Variants in LHCGR observed in about 807,000 individuals in gnomAD.
LHCGR encodes lutropin-choriogonadotropic hormone receptor.
In LHCGR, 55 loss-of-function variants were observed where a neutral mutation model predicts 60.7. That is an observed-to-expected ratio of 0.91 (90% CI 0.73 to 1.13). LHCGR has a LOEUF of 1.13. Among genes scored for constraint, LHCGR ranks in the 50% most tolerant of loss-of-function variants. LHCGR has a pLI of 0.00. For synonymous variants in LHCGR, 337 were observed against 316.5 expected, an observed-to-expected ratio of 1.06 and a Z score of -0.69; for missense variants, 862 against 836.0, an observed-to-expected ratio of 1.03 and a Z score of -0.38.
intron 9 of LHCGR, among the ~76,000 whole-genome samples, chr2:48,694,792 A>ATTTTTT (rs1157312721): frequency 6.6e-6 from 1 of 152,102 alleles, no homozygotes; most frequent in African/African-American, 2.4e-5. Flanking sequence ...GCAGAAACAT[A>ATTTTTT]CGTGGGTGCT....
intron 8 of LHCGR, among the ~76,000 whole-genome samples, chr2:48,702,887 A>G (rs979951807): frequency 1.3e-5 from 2 of 152,248 alleles, no homozygotes; most frequent in African/African-American, 2.4e-5. Context: ...CAGTCCCACC[A>G]ACAGTGTAAA....
intron 6 of LHCGR, among the ~76,000 whole-genome samples, chr2:48,717,593 A>G (rs1184988947): frequency 6.6e-6 from 1 of 151,562 alleles, no homozygotes; most frequent in Non-Finnish European, 1.5e-5. Context: ...TTCTGACAAG[A>G]ACAGAGGTAA....
chr2:48,716,449 C>G (rs1269528575), intron 6 of LHCGR, among the ~76,000 whole-genome samples: 1 of 152,056 alleles, frequency 6.6e-6, no homozygotes, highest in Non-Finnish European at 1.5e-5. Context: ...AGGAGGCAAA[C>G]AATAAAAACA....
rs150650490 is a variant in LHCGR at position 48,723,621 on chromosome 2, C to T, written c.458+1G>A. 5 of 1,612,424 alleles carry T rather than the reference C, an allele frequency of 3.1e-6. No individual in the cohort carries two copies. The African/African-American group carries it at 5.3e-5, about 17-fold the overall frequency. On this transcript the variant is annotated splice_donor_variant, in intron 5 of 10. Coordinates refer to ENST00000294954, the MANE Select transcript of LHCGR (RefSeq NM_000233.4). LOFTEE classifies it high-confidence loss of function. The stretch of plus-strand genomic sequence containing the variant: ...TGCATAGCAATCAGCCTGGTACTTA[C>T]AGAATGAAATTTGATTCAGAGGAGA...
chr2:48,755,703 G>A lies in LHCGR; in HGVS notation c.-32C>T. The A allele has an allele frequency of 2.6e-6, 4 of 1,533,678 alleles. No individual in the cohort carries two copies. Among genetic ancestry groups the A allele is most frequent in the Non-Finnish European group, 2.6e-6 (3 of 1,146,308 alleles). Reference sequence around the variant, plus strand: ...CGAACTGGGCTTCTGCGGCTTGCCAGTGTCTTGGACGGCCTCTGAGTGCGG... The same window carrying A: ...CGAACTGGGCTTCTGCGGCTTGCCAATGTCTTGGACGGCCTCTGAGTGCGG... On this transcript the variant is annotated 5_prime_UTR_variant, in exon 1 of 11. Transcript: ENST00000294954.
intron 7 of LHCGR, 44 bp downstream of exon 7, chr2:48,713,942 A>T (rs368449441): frequency 1.2e-5 from 16 of 1,386,146 alleles, no homozygotes; most frequent in Middle Eastern, 1.8e-4. Flanking sequence ...CCAGAGTAAT[A>T]TTTCATTTTT....
intron 1 of LHCGR, among the ~76,000 whole-genome samples, chr2:48,745,235 T>G (rs1669643315): frequency 6.6e-6 from 1 of 152,216 alleles, no homozygotes; most frequent in Non-Finnish European, 1.5e-5. Flanking sequence ...GGAACACTTT[T>G]ACACTGTTGG....
At chr2:48,738,851 T>A (rs970460561) in intron 1 of LHCGR, among the ~76,000 whole-genome samples, 5 of 152,262 alleles carry the variant, frequency 3.3e-5, no homozygotes, top group African/African-American at 1.2e-4. Flanking sequence ...TTAAATGTTT[T>A]ATTCAAGTTA....
intron 1 of LHCGR, among the ~76,000 whole-genome samples, chr2:48,742,393 T>C (rs1156353054): frequency 2.7e-5 from 4 of 150,198 alleles, no homozygotes; most frequent in Non-Finnish European, 6.0e-5. Flanking sequence ...ATATACATTT[T>C]TTTCAGCACC....
intron 1 of LHCGR, chr2:48,732,939 AG>A (rs1188197330): frequency 1.9e-6 from 1 of 534,548 alleles, no homozygotes; most frequent in Non-Finnish European, 3.8e-6. Flanking sequence ...CATTTAACAA[AG>A]GATCCGAGAA....
chr2:48,740,503 G>T (rs1397344873), intron 1 of LHCGR, among the ~76,000 whole-genome samples: 1 of 152,178 alleles, frequency 6.6e-6, no homozygotes, highest in Non-Finnish European at 1.5e-5. Flanking sequence ...CTGAGAACAG[G>T]CAGACTGCCT....
At chr2:48,725,612 GT>G (rs1425913412) in intron 4 of LHCGR, 63 bp downstream of exon 4, 1 of 1,135,610 alleles carries the variant, frequency 8.8e-7, no homozygotes. Context: ...CCTTTTCCTT[GT>G]TTTGATTTTC....
chr2:48,716,967 C>G (rs545435217), intron 6 of LHCGR, among the ~76,000 whole-genome samples: 1 of 152,184 alleles, frequency 6.6e-6, no homozygotes, highest in African/African-American at 2.4e-5. Flanking sequence ...ATAACAAGCT[C>G]TCCTAGTGAG....
chr2:48,706,056 G>A (rs1020764569), intron 8 of LHCGR, among the ~76,000 whole-genome samples: 2 of 152,252 alleles, frequency 1.3e-5, no homozygotes, highest in African/African-American at 4.8e-5. Context: ...CATGTTTAGT[G>A]CTTCCTTTAG....
At chr2:48,715,166 C>T (rs1668188780) in intron 6 of LHCGR, among the ~76,000 whole-genome samples, 1 of 152,196 alleles carries the variant, frequency 6.6e-6, no homozygotes, top group African/African-American at 2.4e-5. Flanking sequence ...ATTTGCTTTG[C>T]CTCCGTTGCT....
chr2:48,709,085 A>C, intron 7 of LHCGR, 63 bp from the exon 8 acceptor site: 5 of 1,297,932 alleles, frequency 3.9e-6, no homozygotes, highest in Non-Finnish European at 5.6e-6. Flanking sequence ...TCGTAGCTCC[A>C]TATACACATG....
intron 1 of LHCGR, among the ~76,000 whole-genome samples, chr2:48,739,154 A>C (rs1210850176): frequency 2.6e-5 from 4 of 152,244 alleles, no homozygotes; most frequent in African/African-American, 4.8e-5. Context: ...TTAAAAAGTC[A>C]GGAAACAACA....
intron 1 of LHCGR, among the ~76,000 whole-genome samples, chr2:48,743,044 A>G (rs1669540597): frequency 6.6e-6 from 1 of 152,144 alleles, no homozygotes; most frequent in Non-Finnish European, 1.5e-5. Context: ...ACAAACTACC[A>G]TCAGAGAATA....
Position 48,688,893 on chromosome 2 carries a change from G to A in LHCGR, c.948-44C>T, listed in dbSNP as rs1484025678. 3 of 1,568,236 alleles carry A rather than the reference G, an allele frequency of 1.9e-6. No individual in the cohort carries two copies. Among genetic ancestry groups the A allele is most frequent in the South Asian group, 2.2e-5 (2 of 89,664 alleles). The stretch of plus-strand genomic sequence containing the variant: ...GCTTGAGGTAAGGGATTTTCTCTGA[G>A]TATTAAAAAATTCAAGAATTATGTT... On this transcript the variant is annotated intron_variant, in intron 10 of 10. Transcript: ENST00000294954. The surrounding 1 kb of genome is among the most constrained non-coding windows in gnomAD (Gnocchi z 5.2).
Sources: allele counts gnomAD v4.1 joint callset (sites outside exome capture counted in the v4.1 genomes callset), GRCh38; gene constraint gnomAD v4.1.1; non-coding constraint Gnocchi (gnomAD v3.1); transcripts MANE v1.5; gene names NCBI Gene and HGNC (gene_info 2026-07-23, HGNC 2026-07-21).